PER2: variants seen among roughly 807,000 people sequenced by gnomAD.
PER2 encodes period circadian protein homolog 2.
Under a neutral mutation model 121.0 loss-of-function variants are expected in PER2, and 66 were observed. The ratio of observed to expected loss-of-function variants is 0.55; its 90% CI spans 0.45 to 0.67. The LOEUF is 0.67. PER2 is among the 30% of genes least tolerant of loss of function. The pLI is 0.00. For synonymous variants in PER2, 684 were observed against 659.9 expected, an observed-to-expected ratio of 1.04 and a Z score of -0.56; for missense variants, 1,521 against 1,635.0, an observed-to-expected ratio of 0.93 and a Z score of 1.20.
chr2:238,260,404 G>A lies in PER2; in HGVS notation c.1543-351C>T, dbSNP rs113255446. ...CCCGAGTAGCTGGGATTACAGGGGC[G>A]CGCCACCATGCAAGGCAATTTTTGT... is the stretch of plus-strand genomic sequence containing the variant. On this transcript the variant is annotated intron_variant, in intron 13 of 22. Transcript: ENST00000254657. 5.6e-3 allele frequency among the ~76,000 whole-genome samples: 854 copies of A among 152,026 alleles called. 12 individuals carry two copies. Among genetic ancestry groups the A allele is most frequent in the African/African-American group, 0.019 (802 of 41,430 alleles).
At chr2:238,257,784 T>G (rs1204089364) in intron 16 of PER2, among the ~76,000 whole-genome samples, 2 of 152,226 alleles carry the variant, frequency 1.3e-5, no homozygotes, top group African/African-American at 2.4e-5. Context: ...GGGGTACCAT[T>G]TCTAATCCTG....
At chr2:238,258,708 C>G (rs1312507937) in intron 14 of PER2, 64 bp from the exon 15 acceptor site, 9 of 1,553,548 alleles carry the variant, frequency 5.8e-6, no homozygotes, top group African/African-American at 1.4e-5. Flanking sequence ...TGTGTATTTA[C>G]AAAGCATTTT....
intron 12 of PER2, among the ~76,000 whole-genome samples, chr2:238,261,266 C>T (rs907106329): frequency 1.3e-5 from 2 of 152,208 alleles, no homozygotes. Flanking sequence ...AAACAAGATG[C>T]GATGACAGCT....
Position 238,261,750 on chromosome 2 carries a change from C to T in PER2, c.1395G>A (p.Gln465=). The T allele has an allele frequency of 6.4e-7, 1 of 1,564,874 alleles. No homozygotes were observed. The part of the protein sequence containing the change: ...LHPSIQELTE[Q]IHRLLLQPVP... ...CCACCTGCAGCAGGAGCCGGTGGATCTGCTCTGTGAGCTCCTGAATGCTGG... is the reference window on the plus strand; with the variant it reads ...CCACCTGCAGCAGGAGCCGGTGGATTTGCTCTGTGAGCTCCTGAATGCTGG... The change falls in exon 12 of 23, where the codon CAG becomes CAA. Residue 465 remains glutamine, a synonymous_variant. Coordinates refer to ENST00000254657, the MANE Select transcript of PER2 (RefSeq NM_022817.3).
At position 238,249,128 on chromosome 2, in the gene PER2, C is replaced by T. The variant is rs1011755999; in HGVS notation, c.3552G>A (p.Lys1184=). 3 of 1,614,188 alleles carry T rather than the reference C, an allele frequency of 1.9e-6. No homozygotes were observed. Among genetic ancestry groups the T allele is most frequent in the African/African-American group, 1.3e-5 (1 of 75,058 alleles). ...ACTGGTGGACCTCGCGCAGCTCCTG[C>T]TTCTGACTCTCCGTGAACCTGGGCT... is the stretch of plus-strand genomic sequence containing the variant. ...KLQPRFTESQ[K]QELREVHQWM... The change falls in exon 22 of 23, where the codon AAG becomes AAA. Residue 1184 remains lysine, a synonymous_variant. Transcript: ENST00000254657.
intron 10 of PER2, 37 bp from the exon 11 acceptor site, chr2:238,262,381 G>A (rs769023606): frequency 3.7e-6 from 6 of 1,607,064 alleles, no homozygotes; most frequent in African/African-American, 2.7e-5. Context: ...GGGAAAAGGG[G>A]AGCAAACAGG....
chr2:238,263,603 T>C (rs1158337712), intron 9 of PER2, among the ~76,000 whole-genome samples: 1 of 152,190 alleles, frequency 6.6e-6, no homozygotes, highest in African/African-American at 2.4e-5. Context: ...TTTGCTCCAT[T>C]GCAGGACGGA....
chr2:238,297,134 CAA>C, the PER2 span, among the ~76,000 whole-genome samples: 50 of 152,302 alleles, frequency 3.3e-4, 1 homozygote, highest in South Asian at 9.7e-3. Context: ...GCTGCACTGC[CAA>C]TGCAGACCTT....
At chr2:238,294,269 CAG>C (rs1048846609), upstream of PER2, among the ~76,000 whole-genome samples, 1 of 152,206 alleles carries the variant, frequency 6.6e-6, no homozygotes, top group African/African-American at 2.4e-5. Flanking sequence ...GCTGTTGCCT[CAG>C]TGTGGTTCTG....
intron 17 of PER2, among the ~76,000 whole-genome samples, chr2:238,256,662 A>G (rs1260565277): frequency 3.3e-5 from 5 of 152,150 alleles, no homozygotes; most frequent in Non-Finnish European, 7.4e-5. Flanking sequence ...TTGCACCACA[A>G]TCAACCCTCC....
intron 16 of PER2, 31 bp downstream of exon 16, chr2:238,258,245 A>T: frequency 6.2e-7 from 1 of 1,612,086 alleles, no homozygotes; most frequent in Non-Finnish European, 8.5e-7. Context: ...ACATTATTTC[A>T]CATGTACATG....
intron 1 of PER2, among the ~76,000 whole-genome samples, chr2:238,286,655 A>G (rs1696798014): frequency 6.6e-6 from 1 of 152,198 alleles, no homozygotes. Context: ...CCTCTGCCAA[A>G]CAGAGTAGTT....
At chr2:238,276,632 G>A (rs577128066) in intron 3 of PER2, among the ~76,000 whole-genome samples, 190 of 152,324 alleles carry the variant, frequency 1.2e-3, no homozygotes, top group Middle Eastern at 3.4e-3. Context: ...CATTAATTGA[G>A]GATACAGAGA....
In PER2 at chr2:238,273,145, G is replaced by T. The variant is rs1348039455; in HGVS notation, c.495C>A (p.Pro165=). ...TGTAGGAGGGCACGTCTGCTCCACAGGGGTGACCCTCGCTGGACATCAGCA... is the reference window on the plus strand; with the variant it reads ...TGTAGGAGGGCACGTCTGCTCCACATGGGTGACCCTCGCTGGACATCAGCA... ...YQLLMSSEGH[P]CGADVPSYTV... The change falls in exon 5 of 23, where the codon CCC becomes CCA. Residue 165 remains proline (P), a synonymous_variant. Transcript: ENST00000254657. 3 of 1,613,898 alleles carry T rather than the reference G, an allele frequency of 1.9e-6. No individual in the cohort carries two copies.
intron 8 of PER2, among the ~76,000 whole-genome samples, chr2:238,267,827 A>T (rs1385318239): frequency 1.3e-5 from 2 of 152,116 alleles, no homozygotes; most frequent in Middle Eastern, 3.2e-3. Context: ...GATAGGGGTG[A>T]GAGATGCTGG....
intron 16 of PER2, 47 bp from the exon 17 acceptor site, chr2:238,257,133 C>T (rs1695788206): frequency 5.7e-6 from 9 of 1,580,412 alleles, no homozygotes; most frequent in Non-Finnish European, 7.7e-6. Context: ...CATTACAATG[C>T]ACTGTGCAGA....
At chr2:238,260,382 G>C (rs1695890516) in intron 13 of PER2, among the ~76,000 whole-genome samples, 1 of 151,658 alleles carries the variant, frequency 6.6e-6, no homozygotes, top group South Asian at 2.1e-4. Context: ...TCAGCCTCCC[G>C]AGTAGCTGGG....
chr2:238,293,361 A>G (rs1364917758), upstream of PER2, among the ~76,000 whole-genome samples: 1 of 152,192 alleles, frequency 6.6e-6, no homozygotes. Context: ...GACTTCTCTT[A>G]TTATCAGTTT....
At chr2:238,255,633 A>T in intron 18 of PER2, 24 bp downstream of exon 18, 1 of 1,613,412 alleles carries the variant, frequency 6.2e-7, no homozygotes, top group Non-Finnish European at 8.5e-7. Flanking sequence ...TTTAAAACGC[A>T]CTTTTAATTC....
Sources: allele counts gnomAD v4.1 joint callset (sites outside exome capture counted in the v4.1 genomes callset), GRCh38; gene constraint gnomAD v4.1.1; transcripts MANE v1.5; gene names NCBI Gene and HGNC (gene_info 2026-07-23, HGNC 2026-07-21).